The following MED13L variants were observed in gnomAD, a reference collection of about 807,000 sequenced individuals.
MED13L encodes the protein mediator of RNA polymerase II transcription subunit 13-like.
MED13L carries 7 observed loss-of-function variants against 220.9 expected under a neutral mutation model. The observed-to-expected ratio is 0.03, with a 90% CI of 0.02 to 0.06. The LOEUF is 0.06. Ranked by LOEUF, MED13L falls within the 10% of genes least tolerant of loss-of-function variation. The probability of loss-of-function intolerance (pLI) is 1.00; values close to 1 mark genes in which losing one functional copy is unlikely to be tolerated. For synonymous variants in MED13L, 1,011 were observed against 1,015.2 expected (o/e 1.00, Z 0.08); for missense variants, 1,965 against 2,760.5 (o/e 0.71, Z 6.46).
chr12:116,001,092 TTC>T (rs1442508391), intron 14 of MED13L, among the ~76,000 whole-genome samples: 5 of 152,226 alleles, frequency 3.3e-5, no homozygotes, highest in Non-Finnish European at 5.9e-5. Flanking sequence ...TAAAATTAAT[TTC>T]TTTTTTTAAA....
intron 2 of MED13L, among the ~76,000 whole-genome samples, chr12:116,201,261 T>G (rs1230236589): frequency 2.6e-5 from 4 of 152,162 alleles, no homozygotes; most frequent in Admixed American, 6.5e-5. Context: ...AAGAAAAGTC[T>G]TCTACAAGAT....
chr12:116,228,992 G>C (rs548755176), intron 2 of MED13L, among the ~76,000 whole-genome samples: 1 of 151,964 alleles, frequency 6.6e-6, no homozygotes, highest in Admixed American at 6.6e-5. Context: ...TCCCAGGCTG[G>C]TCTCAAAGTT....
chr12:116,136,662 C>A (rs770572741), intron 2 of MED13L, among the ~76,000 whole-genome samples: 1 of 152,136 alleles, frequency 6.6e-6, no homozygotes, highest in Non-Finnish European at 1.5e-5. Context: ...CAGAAACCTG[C>A]GTTCAAGTAA....
rs756354946 is a variant in MED13L, at chr12:115,963,496, T to C, written c.6411A>G (p.Ser2137=). 5.0e-6 allele frequency: 8 copies of C among 1,613,996 alleles called. No homozygotes were observed. Among genetic ancestry groups the C allele is most frequent in the East Asian group, 2.2e-5 (1 of 44,878 alleles). The part of the protein sequence containing the change: ...FLKASLHHHI[S]VAQTDELLPA... The stretch of plus-strand genomic sequence containing the variant: ...GCAGAAGTTCGTCTGTCTGTGCTAC[T>C]GAAATGTGGTGATGCAGCGAAGCCT... The change falls in exon 30 of 31, where the codon TCA becomes TCG. Residue 2137 remains serine, a synonymous_variant. Coordinates refer to ENST00000281928, the MANE Select transcript of MED13L (RefSeq NM_015335.5).
At chr12:116,063,097 C>T (rs1323132089) in intron 4 of MED13L, among the ~76,000 whole-genome samples, 1 of 152,164 alleles carries the variant, frequency 6.6e-6, no homozygotes, top group Admixed American at 6.5e-5. Flanking sequence ...AGCACAGCAG[C>T]TGGCTATTTG....
Position 115,991,720 on chromosome 12 carries a change from A to G in MED13L, c.3234T>C (p.Asp1078=). ...AGGGGGTGGAGGCTGGTGATCCTTG[A>G]TCGGTGCTATCATACTTAACAGACC... ...GQGSVKYDST[D]QGSPASTPST... is the part of the protein sequence containing the mutation. The change falls in exon 17 of 31, where the codon GAT becomes GAC. Residue 1078 remains aspartate, a synonymous_variant. Transcript: ENST00000281928. The surrounding 1 kb of genome is among the most constrained non-coding windows in gnomAD (Gnocchi z 7.7). 1 of 1,613,760 alleles carries G rather than the reference A, an allele frequency of 6.2e-7. No individual in the cohort carries two copies. The highest frequency in any genetic ancestry group is 8.5e-7 in the Non-Finnish European group (1 of 1,179,848).
chr12:115,971,590 G>C (rs1876589027), intron 26 of MED13L, among the ~76,000 whole-genome samples: 1 of 152,216 alleles, frequency 6.6e-6, no homozygotes, highest in Non-Finnish European at 1.5e-5. Context: ...TCTATTGAGA[G>C]CTTACTGTGT....
chr12:116,004,596 C>CA lies in MED13L; in HGVS notation c.2469+1272dup, dbSNP rs565302115. 9.2e-5 allele frequency among the ~76,000 whole-genome samples: 14 copies of CA among 152,030 alleles called. No individual in the cohort carries two copies. In the South Asian group the frequency reaches 2.7e-3, roughly 29 times the overall value. Reference sequence around the variant, plus strand: ...CTAGACCTATCAGTCTCTAATCATCCAAAAAAACAGACCAATGGTCTGTTC... The same window carrying CA: ...CTAGACCTATCAGTCTCTAATCATCCAAAAAAAACAGACCAATGGTCTGTTC... On this transcript the variant is annotated intron_variant, in intron 13 of 30. Transcript: ENST00000281928.
chr12:116,054,267 T>A (rs1364579060), intron 4 of MED13L, among the ~76,000 whole-genome samples: 2 of 151,978 alleles, frequency 1.3e-5, no homozygotes, highest in Non-Finnish European at 2.9e-5. Context: ...CTGCATTTTC[T>A]CATGTTCTAT....
chr12:116,014,779 A>T (rs540781113), intron 8 of MED13L, among the ~76,000 whole-genome samples: 1 of 152,302 alleles, frequency 6.6e-6, no homozygotes, highest in East Asian at 1.9e-4. Context: ...ATTGATATGC[A>T]AGGAAAAACC....
chr12:116,083,357 G>A (rs376798864), intron 4 of MED13L, among the ~76,000 whole-genome samples: 9 of 143,418 alleles, frequency 6.3e-5, no homozygotes, highest in African/African-American at 1.6e-4. Flanking sequence ...AGTCAAAATC[G>A]CGTCACTGCA....
intron 1 of MED13L, among the ~76,000 whole-genome samples, chr12:116,248,258 T>C (rs997339419): frequency 3.9e-5 from 6 of 152,200 alleles, no homozygotes; most frequent in Non-Finnish European, 5.9e-5. Context: ...AAGGCTGATA[T>C]GTAGAAGATT....
chr12:116,049,842 A>G (rs1371407464), intron 4 of MED13L, among the ~76,000 whole-genome samples: 2 of 152,342 alleles, frequency 1.3e-5, no homozygotes, highest in East Asian at 3.9e-4. Flanking sequence ...AATGGCAGGA[A>G]TCATAAAATC....
At chr12:116,060,578 G>A (rs562969447) in intron 4 of MED13L, among the ~76,000 whole-genome samples, 51 of 141,794 alleles carry the variant, frequency 3.6e-4, no homozygotes, top group African/African-American at 1.3e-3. Context: ...AGACTCCAAG[G>A]GAAAAAAAAA....
intron 2 of MED13L, among the ~76,000 whole-genome samples, chr12:116,128,392 T>TC (rs1226979149): frequency 2.0e-5 from 3 of 152,016 alleles, no homozygotes; most frequent in Non-Finnish European, 2.9e-5. Context: ...GGCTCTTACT[T>TC]GAACCCTTGA....
intron 23 of MED13L, among the ~76,000 whole-genome samples, chr12:115,977,923 G>C (rs1321313782): frequency 1.3e-5 from 2 of 152,042 alleles, no homozygotes; most frequent in African/African-American, 2.4e-5. Context: ...TAAGCCCAGG[G>C]AGGTCGAAGC....
chr12:116,233,669 T>C (rs1428085619), intron 2 of MED13L, among the ~76,000 whole-genome samples: 1 of 152,216 alleles, frequency 6.6e-6, no homozygotes, highest in Non-Finnish European at 1.5e-5. Flanking sequence ...CTAAGTACTT[T>C]TAATTTTTCT....
intron 2 of MED13L, among the ~76,000 whole-genome samples, chr12:116,165,691 T>G (rs1170374458): frequency 1.3e-5 from 2 of 152,144 alleles, no homozygotes; most frequent in African/African-American, 2.4e-5. Context: ...TAACAGAGTT[T>G]CACCATTCCT....
intron 4 of MED13L, among the ~76,000 whole-genome samples, chr12:116,079,314 G>C (rs1024124136): frequency 1.6e-4 from 24 of 152,096 alleles, no homozygotes; most frequent in Admixed American, 2.0e-4. Flanking sequence ...AATCTCCCAG[G>C]ATCAAGCAGT....
Sources: allele counts gnomAD v4.1 joint callset (sites outside exome capture counted in the v4.1 genomes callset), GRCh38; gene constraint gnomAD v4.1.1; non-coding constraint Gnocchi (gnomAD v3.1); transcripts MANE v1.5; gene names NCBI Gene and HGNC (gene_info 2026-07-23, HGNC 2026-07-21).